ARHGAP24: variants seen among roughly 807,000 people sequenced by gnomAD.
The protein encoded by ARHGAP24 is rho GTPase-activating protein 24.
Under a neutral mutation model 76.4 loss-of-function variants are expected in ARHGAP24, and 50 were observed. That is an observed-to-expected ratio of 0.65 (90% CI 0.52 to 0.83). The LOEUF (loss-of-function observed/expected upper bound fraction) is 0.83. Among genes scored for constraint, ARHGAP24 ranks in the 40% least tolerant of loss-of-function variants. The pLI is 0.00. For missense variants in ARHGAP24, 930 were observed against 914.2 expected (o/e 1.02, Z -0.22); for synonymous variants, 345 against 323.3 (o/e 1.07, Z -0.72).
chr4:85,912,527 C>G (rs757385728), intron 3 of ARHGAP24, among the ~76,000 whole-genome samples: 29 of 152,034 alleles, frequency 1.9e-4, no homozygotes, highest in Non-Finnish European at 4.1e-4. Context: ...CTGTCATTTG[C>G]TGGGTGGAAT....
intron 3 of ARHGAP24, among the ~76,000 whole-genome samples, chr4:85,802,823 T>C (rs1397095020): frequency 1.3e-5 from 2 of 152,048 alleles, no homozygotes; most frequent in Non-Finnish European, 2.9e-5. Context: ...AAACCGAAAC[T>C]TTAGTTATAA....
chr4:85,653,918 C>A (rs932815876), intron 2 of ARHGAP24, among the ~76,000 whole-genome samples: 5 of 152,000 alleles, frequency 3.3e-5, no homozygotes, highest in African/African-American at 1.2e-4. Flanking sequence ...TTCTATTGAA[C>A]TCTGCTGCTC....
chr4:85,540,058 ACAT>A (rs1725617767), intron 1 of ARHGAP24, among the ~76,000 whole-genome samples: 1 of 151,914 alleles, frequency 6.6e-6, no homozygotes, highest in African/African-American at 2.4e-5. Context: ...ATAAATAAAT[ACAT>A]AATAAAATAA....
chr4:85,683,346 C>T (rs187311676), intron 2 of ARHGAP24, among the ~76,000 whole-genome samples: 30 of 152,178 alleles, frequency 2.0e-4, no homozygotes, highest in Middle Eastern at 3.4e-3. Context: ...TCTATCCTAG[C>T]CCATGAAGGG....
At chr4:85,930,791 G>C in intron 4 of ARHGAP24, 3 of 1,472,470 alleles carry the variant, frequency 2.0e-6, no homozygotes, top group Non-Finnish European at 2.7e-6. Flanking sequence ...CCAGGACCTG[G>C]ATGATCAAAA....
Position 85,923,704 on chromosome 4 carries a change from AC to A in ARHGAP24, c.328del (p.Gln110ArgfsTer8). ...NHESYLLMAS[T>X]QNDMEDWVKS... ...TGAAAGCTACCTCCTCATGGCAAGC[AC>A]CCAGAATGATATGGAAGACTGGGTG... is the stretch of plus-strand genomic sequence containing the variant. On this transcript the variant is annotated frameshift_variant, in exon 4 of 10. Coordinates refer to ENST00000395184, the MANE Select transcript of ARHGAP24 (RefSeq NM_001025616.3). LOFTEE classifies it high-confidence loss of function. 2 of 1,613,994 alleles carry A rather than the reference AC, an allele frequency of 1.2e-6. No individual in the cohort carries two copies. The highest frequency in any genetic ancestry group is 1.7e-6 in the Non-Finnish European group (2 of 1,179,952).
intron 3 of ARHGAP24, among the ~76,000 whole-genome samples, chr4:85,801,786 A>G (rs1348808470): frequency 6.6e-6 from 1 of 152,254 alleles, no homozygotes; most frequent in Non-Finnish European, 1.5e-5. Flanking sequence ...TTCCCTGGCA[A>G]TATGTTAGCC....
At chr4:85,844,840 A>G (rs1730786856) in intron 3 of ARHGAP24, among the ~76,000 whole-genome samples, 1 of 152,208 alleles carries the variant, frequency 6.6e-6, no homozygotes, top group East Asian at 1.9e-4. Context: ...GATGATAGCC[A>G]TGGTGAATCT....
intron 5 of ARHGAP24, among the ~76,000 whole-genome samples, chr4:85,955,796 G>C (rs1269773263): frequency 6.6e-6 from 1 of 152,228 alleles, no homozygotes; most frequent in East Asian, 1.9e-4. Flanking sequence ...CAACATATCA[G>C]TTCTGACTGG....
intron 3 of ARHGAP24, among the ~76,000 whole-genome samples, chr4:85,873,669 G>A (rs1487549238): frequency 6.6e-6 from 1 of 152,154 alleles, no homozygotes. Context: ...TTCTTTCCAA[G>A]CATCCCATTT....
At chr4:85,649,700 C>A (rs555155654) in intron 2 of ARHGAP24, among the ~76,000 whole-genome samples, 1 of 151,038 alleles carries the variant, frequency 6.6e-6, no homozygotes, top group Non-Finnish European at 1.5e-5. Context: ...CCAATAAAAC[C>A]AAAACAAATT....
chr4:85,961,377 A>T lies in ARHGAP24; in HGVS notation c.600-10659A>T, dbSNP rs145268510. The stretch of plus-strand genomic sequence containing the variant: ...GTTGACTCAACTGGATATACAAGAA[A>T]ATCTTTTTAATATTCCTCTTACACT... On this transcript the variant is annotated intron_variant, in intron 5 of 9. Transcript: ENST00000395184. Among the ~76,000 whole-genome samples the T allele has an allele frequency of 1.3e-3, 196 of 152,276 alleles. 1 individual carries two copies. The highest frequency in any genetic ancestry group is 4.4e-3 in the African/African-American group (183 of 41,552).
At chr4:85,551,969 A>G (rs951829812) in intron 1 of ARHGAP24, among the ~76,000 whole-genome samples, 1 of 152,060 alleles carries the variant, frequency 6.6e-6, no homozygotes, top group Non-Finnish European at 1.5e-5. Flanking sequence ...TAAAAAACTC[A>G]TGGATTCATT....
At chr4:85,758,850 C>T (rs28587441) in intron 3 of ARHGAP24, among the ~76,000 whole-genome samples, 138,189 of 152,200 alleles carry the variant, frequency 0.91, 64,249 homozygotes, top group East Asian at 1. Context: ...GAAAATGATG[C>T]GTAAATCACC....
chr4:85,991,635 T>C (rs1246256952), intron 8 of ARHGAP24: 1 of 152,138 alleles, frequency 6.6e-6, no homozygotes, highest in African/African-American at 2.4e-5. Flanking sequence ...TATATGAAAT[T>C]GTAAAAAAAG....
At chr4:85,697,278 C>A (rs1293164407) in intron 2 of ARHGAP24, among the ~76,000 whole-genome samples, 2 of 152,108 alleles carry the variant, frequency 1.3e-5, no homozygotes. Context: ...GCTTAACTAT[C>A]TAGTTGTGCA....
At chr4:85,729,661 T>G (rs2110050686) in intron 3 of ARHGAP24, among the ~76,000 whole-genome samples, 1 of 152,218 alleles carries the variant, frequency 6.6e-6, no homozygotes, top group African/African-American at 2.4e-5. Context: ...GGAGTAAATA[T>G]TTTAGGATTT....
At chr4:85,931,846 G>A (rs1474994370) in intron 4 of ARHGAP24, among the ~76,000 whole-genome samples, 1 of 152,166 alleles carries the variant, frequency 6.6e-6, no homozygotes, top group Non-Finnish European at 1.5e-5. Context: ...TAGAAACTAA[G>A]TAATTATAAT....
At chr4:85,736,351 A>AT (rs1007889937) in intron 3 of ARHGAP24, among the ~76,000 whole-genome samples, 2 of 152,152 alleles carry the variant, frequency 1.3e-5, no homozygotes, top group African/African-American at 4.8e-5. Context: ...TGTCATAACC[A>AT]TTTATAAATA....
Sources: gnomAD v4.1 joint callset for allele counts (sites outside exome capture counted in the v4.1 genomes callset) on GRCh38, gnomAD v4.1.1 for gene constraint, MANE v1.5 for transcripts, NCBI Gene and HGNC (gene_info 2026-07-23, HGNC 2026-07-21) for gene names.